Variants in PPDPFL observed in about 807,000 individuals in gnomAD.
PPDPFL encodes the protein pancreatic progenitor cell differentiation and proliferation factor like.
A neutral mutation model predicts 12.6 loss-of-function variants in PPDPFL; 12 were observed. The observed-to-expected ratio is 0.95, with a 90% CI of 0.61 to 1.54. PPDPFL has a LOEUF of 1.54. PPDPFL is among the 40% of genes most tolerant of loss of function. The pLI is 0.00. For synonymous variants in PPDPFL, 24 were observed against 32.7 expected, an observed-to-expected ratio of 0.73 and a Z score of 0.91; for missense variants, 114 against 96.0, an observed-to-expected ratio of 1.19 and a Z score of -0.78.
At chr8:49,068,659 A>G (rs1349945588), upstream of PPDPFL, among the ~76,000 whole-genome samples, 1 of 152,230 alleles carries the variant, frequency 6.6e-6, no homozygotes, top group Admixed American at 6.5e-5. Flanking sequence ...GTGTGTGTGT[A>G]TACATACACA....
At chr8:49,061,830 A>G (rs1443174707) in intron 1 of PPDPFL, among the ~76,000 whole-genome samples, 1 of 152,218 alleles carries the variant, frequency 6.6e-6, no homozygotes, top group Admixed American at 6.5e-5. Flanking sequence ...CTGCTTCTCC[A>G]AGGGGAAGGC....
intron 4 of PPDPFL, 187 bp from the exon 5 acceptor site, chr8:49,074,965 A>C (rs1808466393): frequency 7.3e-7 from 1 of 1,373,278 alleles, no homozygotes; most frequent in Non-Finnish European, 9.6e-7. Context: ...TTTCCTATCT[A>C]AGACAAATTT....
chr8:49,072,177 C>G (rs1376134326), upstream of PPDPFL, among the ~76,000 whole-genome samples: 1 of 152,264 alleles, frequency 6.6e-6, no homozygotes, highest in African/African-American at 2.4e-5. Flanking sequence ...ACTTGGCAGG[C>G]TGCTGCGTTC....
At chr8:49,056,096 G>C (rs1045447170) in intron 1 of PPDPFL, among the ~76,000 whole-genome samples, 6 of 151,988 alleles carry the variant, frequency 3.9e-5, no homozygotes, top group African/African-American at 1.4e-4. Context: ...CTCATATAAA[G>C]CTTCCCCTCA....
rs1808472515 is a variant in PPDPFL at position 49,075,176 on chromosome 8, G to T, written c.*3G>T. The T allele has an allele frequency of 6.2e-7, 1 of 1,613,692 alleles. No individual in the cohort carries two copies. Among genetic ancestry groups the T allele is most frequent in the African/African-American group, 1.3e-5 (1 of 75,028 alleles). On this transcript the variant is annotated 3_prime_UTR_variant, in exon 5 of 5. Transcript: ENST00000522267. ...GATTACAGATGAGCACTTTGTAGCT[G>T]ATCATCTTTGCACTGCCATTTGATG...
chr8:49,056,698 T>C (rs1020202581), intron 1 of PPDPFL, among the ~76,000 whole-genome samples: 3 of 152,192 alleles, frequency 2.0e-5, no homozygotes, highest in African/African-American at 7.2e-5. Context: ...GATAGAGCAA[T>C]ATCCATAAAA....
In PPDPFL at chr8:49,075,330, C is replaced by T; in HGVS notation, c.*157C>T. 1 of 1,449,084 alleles carries T rather than the reference C, an allele frequency of 6.9e-7. No homozygotes were observed. The highest frequency in any genetic ancestry group is 9.7e-7 in the Non-Finnish European group (1 of 1,029,878). 89.8% of individuals were successfully genotyped at this position (1,449,084 alleles called of 1,614,324 possible). On this transcript the variant is annotated 3_prime_UTR_variant, in exon 5 of 5. Coordinates refer to ENST00000522267, the MANE Select transcript of PPDPFL (RefSeq NM_001256597.2). ...TCAGCGCCCCAGCTATTCCAGGACT[C>T]TTCTCCATTGTAAGAAGACAGAAAT...
chr8:49,062,310 T>G (rs1447508506), intron 1 of PPDPFL, among the ~76,000 whole-genome samples: 11 of 152,154 alleles, frequency 7.2e-5, no homozygotes, highest in Non-Finnish European at 1.6e-4. Flanking sequence ...GAAACCGATA[T>G]GTTGTGAGGA....
chr8:49,074,687 C>A, intron 4 of PPDPFL: 2 of 1,485,216 alleles, frequency 1.3e-6, no homozygotes, highest in Non-Finnish European at 1.8e-6. Flanking sequence ...TAGTTGTTGT[C>A]TTAAATAACC....
chr8:49,069,680 T>C (rs548179457), upstream of PPDPFL, among the ~76,000 whole-genome samples: 1 of 152,288 alleles, frequency 6.6e-6, no homozygotes, highest in Admixed American at 6.5e-5. Context: ...AAGACGCCTG[T>C]AATCTCAGCA....
intron 1 of PPDPFL, among the ~76,000 whole-genome samples, chr8:49,055,284 A>G (rs1808095518): frequency 6.6e-6 from 1 of 152,062 alleles, no homozygotes; most frequent in Non-Finnish European, 1.5e-5. Flanking sequence ...TGGCTTCCCT[A>G]CTGTACATCA....
upstream of PPDPFL, among the ~76,000 whole-genome samples, chr8:49,067,564 A>AT (rs982318648): frequency 2.0e-5 from 3 of 152,222 alleles, no homozygotes; most frequent in Non-Finnish European, 4.4e-5. Context: ...ATTATTAGCA[A>AT]GTTTAGTCAT....
Position 49,075,201 on chromosome 8 carries a change from G to A in PPDPFL, c.*28G>A. Reference sequence around the variant, plus strand: ...GATCATCTTTGCACTGCCATTTGATGAACATGTTGGTAACGGTTGCCTGCC... The same window carrying A: ...GATCATCTTTGCACTGCCATTTGATAAACATGTTGGTAACGGTTGCCTGCC... On this transcript the variant is annotated 3_prime_UTR_variant, in exon 5 of 5. Transcript: ENST00000522267. 3.1e-6 allele frequency: 5 copies of A among 1,613,920 alleles called. No homozygotes were observed. The highest frequency in any genetic ancestry group is 4.2e-6 in the Non-Finnish European group (5 of 1,179,860).
intron 1 of PPDPFL, among the ~76,000 whole-genome samples, chr8:49,060,056 G>T (rs998890127): frequency 2.0e-5 from 3 of 152,172 alleles, no homozygotes; most frequent in Non-Finnish European, 4.4e-5. Flanking sequence ...GGAAATGAAA[G>T]AACACTGTAG....
chr8:49,063,615 G>A (rs778812305), intron 1 of PPDPFL, among the ~76,000 whole-genome samples: 2 of 152,080 alleles, frequency 1.3e-5, no homozygotes, highest in Non-Finnish European at 2.9e-5. Flanking sequence ...CTACTTGTGA[G>A]GCTCAGGCAA....
chr8:49,063,525 G>A (rs1245100479), intron 1 of PPDPFL, among the ~76,000 whole-genome samples: 2 of 152,080 alleles, frequency 1.3e-5, no homozygotes, highest in Non-Finnish European at 2.9e-5. Flanking sequence ...TTCGAGACCA[G>A]CCTGGGCAAC....
chr8:49,075,957 A>G lies in PPDPFL; in HGVS notation c.*784A>G, dbSNP rs1478570055. 1.3e-5 allele frequency: 2 copies of G among 152,198 alleles called. No individual in the cohort carries two copies. Among genetic ancestry groups the G allele is most frequent in the Non-Finnish European group, 2.9e-5 (2 of 68,026 alleles). 9.4% of individuals were successfully genotyped at this position (152,198 alleles called of 1,614,324 possible). On this transcript the variant is annotated 3_prime_UTR_variant, in exon 5 of 5. Coordinates refer to ENST00000522267, the MANE Select transcript of PPDPFL (RefSeq NM_001256597.2). The stretch of plus-strand genomic sequence containing the variant: ...TGGAAGGAACTGTACCAAAATGCTG[A>G]CAGGGCTATTTCTGGAGATGGGATT...
In PPDPFL at chr8:49,056,160, T is replaced by G. The variant is rs186451457; in HGVS notation, c.-45+1791T>G. Among the ~76,000 whole-genome samples, 799 of 152,280 alleles carry G rather than the reference T, an allele frequency of 5.2e-3. 9 individuals carry two copies. The highest frequency in any genetic ancestry group is 5.6e-3 in the Non-Finnish European group (379 of 68,014). On this transcript the variant is annotated intron_variant, in intron 1 of 4. Coordinates refer to the PPDPFL transcript ENST00000517663. ...CTACTGCCTCTACAAGTAGGAGTTG[T>G]TCTCTACTGACTTCTCTGAGTACAT...
intron 1 of PPDPFL, among the ~76,000 whole-genome samples, chr8:49,059,325 T>C (rs1808159842): frequency 6.6e-6 from 1 of 152,126 alleles, no homozygotes; most frequent in African/African-American, 2.4e-5. Flanking sequence ...GGGATAACGC[T>C]ATAGTGATCT....
Sources: allele counts gnomAD v4.1 joint callset (sites outside exome capture counted in the v4.1 genomes callset), GRCh38; gene constraint gnomAD v4.1.1; transcripts MANE v1.5; gene names NCBI Gene and HGNC (gene_info 2026-07-23, HGNC 2026-07-21).